Variants in ADAM29 observed in about 807,000 individuals in gnomAD.
The protein encoded by ADAM29 is disintegrin and metalloproteinase domain-containing protein 29.
For synonymous variants in ADAM29, 367 were observed against 342.3 expected, an observed-to-expected ratio of 1.07 and a Z score of -0.80; for missense variants, 969 against 1,001.8, an observed-to-expected ratio of 0.97 and a Z score of 0.44.
intron 2 of ADAM29, among the ~76,000 whole-genome samples, chr4:174,921,412 G>A (rs953141917): frequency 6.6e-6 from 1 of 152,120 alleles, no homozygotes; most frequent in East Asian, 1.9e-4. Flanking sequence ...TTCATTTCCT[G>A]TTGCTGGACT....
At chr4:174,960,251 A>T (rs1745732040) in intron 4 of ADAM29, among the ~76,000 whole-genome samples, 2 of 151,896 alleles carry the variant, frequency 1.3e-5, no homozygotes, top group Admixed American at 1.3e-4. Context: ...GAAATAATAA[A>T]CTTTGGTCTG....
At chr4:174,943,429 T>A (rs973832015) in intron 4 of ADAM29, among the ~76,000 whole-genome samples, 2 of 152,186 alleles carry the variant, frequency 1.3e-5, no homozygotes, top group African/African-American at 4.8e-5. Flanking sequence ...TGATTTATAG[T>A]TCCACATAGC....
chr4:174,959,764 T>C (rs1745706805), intron 4 of ADAM29, among the ~76,000 whole-genome samples: 1 of 151,982 alleles, frequency 6.6e-6, no homozygotes. Flanking sequence ...TTCTTAATAG[T>C]GTTGAGTCTA....
chr4:174,953,118 C>G (rs751899842), intron 4 of ADAM29, among the ~76,000 whole-genome samples: 3 of 152,116 alleles, frequency 2.0e-5, no homozygotes, highest in Non-Finnish European at 2.9e-5. Context: ...AACCCCGTCT[C>G]TATTAAAAAT....
chr4:174,966,443 A>G (rs972072117), intron 4 of ADAM29, among the ~76,000 whole-genome samples: 11 of 152,214 alleles, frequency 7.2e-5, no homozygotes, highest in Admixed American at 1.3e-4. Flanking sequence ...CCCTCCAGCT[A>G]TGAAACTGTG....
At chr4:174,932,956 G>A (rs1378542257) in intron 3 of ADAM29, among the ~76,000 whole-genome samples, 1 of 152,142 alleles carries the variant, frequency 6.6e-6, no homozygotes, top group Non-Finnish European at 1.5e-5. Context: ...CCAGGAACAT[G>A]GATTTGGAAC....
intron 4 of ADAM29, among the ~76,000 whole-genome samples, chr4:174,968,431 C>T (rs901120183): frequency 9.2e-5 from 14 of 152,140 alleles, no homozygotes; most frequent in African/African-American, 2.4e-4. Flanking sequence ...ATCTTCTGGC[C>T]GTGGGGTCCA....
In ADAM29 at chr4:174,977,238, G is replaced by A. The variant is rs777752698; in HGVS notation, c.1713G>A (p.Val571=). ...EIPNMSDHTT[V]HWARFNDIMC... is the part of the protein sequence containing the mutation. Reference sequence around the variant, plus strand: ...CCAATATGAGTGATCATACTACTGTGCATTGGGCTCGCTTCAATGACATAA... The same window carrying A: ...CCAATATGAGTGATCATACTACTGTACATTGGGCTCGCTTCAATGACATAA... Residue 571 remains valine (V), a synonymous_variant, in exon 5 of 5, where the codon GTG becomes GTA. Coordinates refer to ENST00000359240, the MANE Select transcript of ADAM29 (RefSeq NM_014269.4). 6.2e-7 allele frequency: 1 copy of A among 1,614,050 alleles called. No individual in the cohort carries two copies. The highest frequency in any genetic ancestry group is 1.1e-5 in the South Asian group (1 of 91,080).
chr4:174,937,961 T>A (rs966948570), intron 4 of ADAM29, among the ~76,000 whole-genome samples: 14 of 152,114 alleles, frequency 9.2e-5, no homozygotes, highest in African/African-American at 3.4e-4. Context: ...TTGTTTGTAG[T>A]CCAACAAAAG....
intron 2 of ADAM29, among the ~76,000 whole-genome samples, chr4:174,929,999 G>A (rs1182795378): frequency 2.0e-5 from 3 of 152,132 alleles, no homozygotes; most frequent in Non-Finnish European, 4.4e-5. Flanking sequence ...CCTGATCTCT[G>A]CTCACTGCAA....
intron 1 of ADAM29, among the ~76,000 whole-genome samples, 196 bp from the exon 2 acceptor site, chr4:174,920,491 T>A (rs1743105245): frequency 6.6e-6 from 1 of 152,156 alleles, no homozygotes; most frequent in Non-Finnish European, 1.5e-5. Flanking sequence ...GTAAATTTAT[T>A]AAAACACGCT....
intron 4 of ADAM29, among the ~76,000 whole-genome samples, chr4:174,955,806 T>C (rs1745468348): frequency 6.6e-6 from 1 of 152,092 alleles, no homozygotes; most frequent in Non-Finnish European, 1.5e-5. Context: ...CCTTTCCATA[T>C]ACAATTTCCT....
Position 174,949,737 on chromosome 4 carries a change from T to C in ADAM29, c.-181+12724T>C, listed in dbSNP as rs577013944. Among the ~76,000 whole-genome samples, 102 of 152,234 alleles carry C rather than the reference T, an allele frequency of 6.7e-4. 1 individual carries two copies. In the South Asian group the frequency reaches 0.021, roughly 31 times the overall value. ...TAGTCAGCCATCCTGAATCCCGTCC[T>C]ATTTCTGTTTCTGAACCACCATTAT... On this transcript the variant is annotated intron_variant, in intron 4 of 4. Transcript: ENST00000359240.
intron 4 of ADAM29, among the ~76,000 whole-genome samples, chr4:174,949,143 T>C (rs916714298): frequency 6.6e-6 from 1 of 151,982 alleles, no homozygotes; most frequent in Non-Finnish European, 1.5e-5. Context: ...TGCAAGTGGA[T>C]GTGGTCAGGC....
chr4:174,949,589 G>A (rs558001582), intron 4 of ADAM29, among the ~76,000 whole-genome samples: 302 of 152,002 alleles, frequency 2.0e-3, no homozygotes, highest in African/African-American at 7.0e-3. Context: ...TCCCCATTCA[G>A]CCCAGCATTT....
At chr4:174,958,663 T>G (rs956484252) in intron 4 of ADAM29, among the ~76,000 whole-genome samples, 1 of 151,870 alleles carries the variant, frequency 6.6e-6, no homozygotes, top group East Asian at 1.9e-4. Context: ...TAAAATGCAA[T>G]ATATTTGTAA....
chr4:174,973,229 C>A (rs6845431), intron 4 of ADAM29, among the ~76,000 whole-genome samples: 47,274 of 152,064 alleles, frequency 0.31, 8,218 homozygotes, highest in African/African-American at 0.48. Flanking sequence ...AACTGACAGA[C>A]GTAATTCGTG....
At position 174,977,995 on chromosome 4, in the gene ADAM29, C is replaced by T. The variant is rs781432730; in HGVS notation, c.*7C>T. ...TCCTGTGACGCCCTCCTAGAGCCAA[C>T]CTCAGTTGATGCCTTCCCAGAGTCA... On this transcript the variant is annotated 3_prime_UTR_variant, in exon 5 of 5. Coordinates refer to ENST00000359240, the MANE Select transcript of ADAM29 (RefSeq NM_014269.4). 9.4e-6 allele frequency: 15 copies of T among 1,600,884 alleles called. No homozygotes were observed. In the East Asian group the frequency reaches 1.1e-4, roughly 12 times the overall value.
At chr4:174,922,897 C>A (rs1743247485) in intron 2 of ADAM29, among the ~76,000 whole-genome samples, 1 of 151,646 alleles carries the variant, frequency 6.6e-6, no homozygotes. Context: ...AATAGCAAAG[C>A]CAAAAGAATA....
Sources: gnomAD v4.1 joint callset for allele counts (sites outside exome capture counted in the v4.1 genomes callset) on GRCh38, gnomAD v4.1.1 for gene constraint, MANE v1.5 for transcripts, NCBI Gene and HGNC (gene_info 2026-07-23, HGNC 2026-07-21) for gene names.